DOCK8: variants seen among roughly 807,000 people sequenced by gnomAD.
DOCK8 encodes the protein dedicator of cytokinesis 8, also known as dedicator of cytokinesis protein 8.
Under a neutral mutation model 245.6 loss-of-function variants are expected in DOCK8, and 141 were observed. The observed-to-expected ratio is 0.57, with a 90% CI of 0.50 to 0.66. The LOEUF is 0.66. Among genes scored for constraint, DOCK8 ranks in the 30% least tolerant of loss-of-function variants. DOCK8 has a pLI of 0.00. For missense variants in DOCK8, 2,965 were observed against 2,603.4 expected, an observed-to-expected ratio of 1.14 and a Z score of -3.02; for synonymous variants, 1,168 against 970.2, an observed-to-expected ratio of 1.20 and a Z score of -3.79.
intron 1 of DOCK8, among the ~76,000 whole-genome samples, chr9:222,517 A>AC (rs2046905975): frequency 6.6e-6 from 1 of 151,680 alleles, no homozygotes; most frequent in South Asian, 2.1e-4. Context: ...CCACATTCAC[A>AC]CCCCCACCGA....
At chr9:256,820 T>TTTTTTTTTTTTTTTTTTTGAGAC (rs1563845818) in intron 1 of DOCK8, among the ~76,000 whole-genome samples, 1 of 152,152 alleles carries the variant, frequency 6.6e-6, no homozygotes, top group African/African-American at 2.4e-5. Flanking sequence ...CAGAGGCTTT[T>TTTTTTTTTTTTTTTTTTTGAGAC]GTCTGCTTTC....
chr9:393,083 C>A (rs141582331), intron 24 of DOCK8, among the ~76,000 whole-genome samples: 2 of 64,248 alleles, frequency 3.1e-5, no homozygotes, highest in African/African-American at 8.6e-5. Context: ...GAGACCCTGT[C>A]TCAAAAAAAA....
chr9:417,550 C>T (rs925758162), intron 29 of DOCK8, among the ~76,000 whole-genome samples: 3 of 151,976 alleles, frequency 2.0e-5, no homozygotes, highest in East Asian at 1.9e-4. Flanking sequence ...GACTTTTAAA[C>T]GGTTTATCGT....
At chr9:357,169 T>A (rs2131072426) in intron 14 of DOCK8, among the ~76,000 whole-genome samples, 1 of 152,336 alleles carries the variant, frequency 6.6e-6, no homozygotes, top group South Asian at 2.1e-4. Flanking sequence ...ATGCTGGTTT[T>A]CCAATCTCTC....
At chr9:282,007 AC>A (rs2130190431) in intron 2 of DOCK8, among the ~76,000 whole-genome samples, 1 of 152,306 alleles carries the variant, frequency 6.6e-6, no homozygotes, top group East Asian at 1.9e-4. Flanking sequence ...ATAGCTTCAG[AC>A]CTCGAGAGTT....
At chr9:402,941 G>C (rs1043318130) in intron 26 of DOCK8, among the ~76,000 whole-genome samples, 2 of 152,180 alleles carry the variant, frequency 1.3e-5, no homozygotes, top group Non-Finnish European at 2.9e-5. Context: ...CCAGGCCAGA[G>C]TGCAGTGGCA....
chr9:375,188 G>C (rs1227319266), intron 18 of DOCK8, among the ~76,000 whole-genome samples: 1 of 152,166 alleles, frequency 6.6e-6, no homozygotes, highest in Non-Finnish European at 1.5e-5. Context: ...GACTGCTTCA[G>C]ATAGCTTTAA....
At chr9:285,312 G>T (rs2048773296) in intron 2 of DOCK8, among the ~76,000 whole-genome samples, 1 of 152,102 alleles carries the variant, frequency 6.6e-6, no homozygotes, top group Non-Finnish European at 1.5e-5. Flanking sequence ...CCCTTACTCT[G>T]GTATGTGATT....
chr9:446,305 A>C, intron 43 of DOCK8, 65 bp from the exon 44 acceptor site: 1 of 1,371,618 alleles, frequency 7.3e-7, no homozygotes, highest in East Asian at 2.3e-5. Flanking sequence ...ATGCCCCTCC[A>C]TTGCGTCAGG....
intron 44 of DOCK8, 101 bp downstream of exon 44, chr9:446,707 G>A: frequency 2.0e-6 from 2 of 1,024,396 alleles, no homozygotes; most frequent in Non-Finnish European, 3.0e-6. Flanking sequence ...CTGAAAACAA[G>A]GAGGGATGCA....
intron 28 of DOCK8, among the ~76,000 whole-genome samples, chr9:412,813 A>G (rs546781151): frequency 6.6e-6 from 1 of 152,264 alleles, no homozygotes; most frequent in East Asian, 1.9e-4. Flanking sequence ...TATTATTAAA[A>G]TAGCAATACT....
chr9:399,879 T>A (rs540363833), intron 26 of DOCK8, among the ~76,000 whole-genome samples: 1 of 151,752 alleles, frequency 6.6e-6, no homozygotes, highest in Admixed American at 6.6e-5. Flanking sequence ...TCCTTCCATA[T>A]CCCTAATCTA....
chr9:459,921 T>A lies in DOCK8; in HGVS notation c.6069-3596T>A, dbSNP rs541035034. The A allele has an allele frequency of 7.9e-5, 12 of 152,404 alleles. No homozygotes were observed. In the South Asian group the frequency reaches 2.5e-3, roughly 32 times the overall value. 9.4% of individuals were successfully genotyped at this position (152,404 alleles called of 1,614,324 possible). A position where few individuals can be genotyped will look rare whatever the true frequency, so the allele number is the denominator to read the frequency against. Reference sequence around the variant, plus strand: ...GGCCATATTACCTTTTATTAGCCAGTCACACAGTACCACCTCCACCACATC... The same window carrying A: ...GGCCATATTACCTTTTATTAGCCAGACACACAGTACCACCTCCACCACATC... On this transcript the variant is annotated intron_variant, in intron 46 of 47. Coordinates refer to ENST00000432829, the MANE Select transcript of DOCK8 (RefSeq NM_203447.4).
intron 1 of DOCK8, among the ~76,000 whole-genome samples, chr9:246,000 G>A (rs1322483881): frequency 2.0e-5 from 3 of 152,082 alleles, no homozygotes; most frequent in Non-Finnish European, 4.4e-5. Context: ...AGGGTGGATT[G>A]CCTGAGCTCA....
chr9:420,539 A>G lies in DOCK8; in HGVS notation c.3979A>G (p.Ile1327Val). 1 of 1,614,136 alleles carries G rather than the reference A, an allele frequency of 6.2e-7. No homozygotes were observed. The highest frequency in any genetic ancestry group is 8.5e-7 in the Non-Finnish European group (1 of 1,180,022). The change falls in exon 31 of 48, where the codon ATT (isoleucine) becomes GTT (valine). Residue 1327 changes from isoleucine (I) to valine (V), a missense_variant. By Grantham distance (29) the Ile-to-Val change is conservative (BLOSUM62 3). Transcript: ENST00000432829. ...ADLPSTQLNR[I>V]LDLLFICVLC... ...CCTGCCATCAACGCAGCTCAACAGG[A>G]TTTTAGATCTACTTTTCATCTGTGT...
At chr9:252,525 G>A (rs962365496) in intron 1 of DOCK8, among the ~76,000 whole-genome samples, 2 of 151,772 alleles carry the variant, frequency 1.3e-5, no homozygotes, top group Non-Finnish European at 2.9e-5. Flanking sequence ...TATGTAGGTC[G>A]GGCACAGTGG....
chr9:375,985 G>C (rs1389435556), intron 18 of DOCK8, among the ~76,000 whole-genome samples: 1 of 152,116 alleles, frequency 6.6e-6, no homozygotes, highest in Non-Finnish European at 1.5e-5. Context: ...GACAGAGTGG[G>C]ACCCTGTCTC....
intron 7 of DOCK8, among the ~76,000 whole-genome samples, chr9:319,145 A>G (rs1376501789): frequency 6.6e-6 from 1 of 151,622 alleles, no homozygotes; most frequent in Non-Finnish European, 1.5e-5. Flanking sequence ...AAAAACTAAC[A>G]GATGTGTTAA....
chr9:449,509 C>A (rs1475243877), intron 44 of DOCK8, among the ~76,000 whole-genome samples: 2 of 152,188 alleles, frequency 1.3e-5, no homozygotes, highest in South Asian at 4.1e-4. Context: ...TGGAACTTAA[C>A]CTTACAAATC....
Sources: allele counts gnomAD v4.1 joint callset (sites outside exome capture counted in the v4.1 genomes callset), GRCh38; gene constraint gnomAD v4.1.1; transcripts MANE v1.5; gene names NCBI Gene and HGNC (gene_info 2026-07-23, HGNC 2026-07-21).